Variants in ADGB observed in about 807,000 individuals in gnomAD.
ADGB encodes androglobin, also known as calpain-7-like protein.
A neutral mutation model predicts 210.5 loss-of-function variants in ADGB; 172 were observed. That is an observed-to-expected ratio of 0.82 (90% CI 0.72 to 0.93). ADGB has a LOEUF of 0.93. ADGB is among the 40% of genes least tolerant of loss of function. ADGB has a pLI of 0.00. For synonymous variants in ADGB, 658 were observed against 662.7 expected, an observed-to-expected ratio of 0.99 and a Z score of 0.11; for missense variants, 2,025 against 1,964.8, an observed-to-expected ratio of 1.03 and a Z score of -0.58.
chr6:146,777,822 G>C (rs1290826408), intron 29 of ADGB, among the ~76,000 whole-genome samples: 1 of 152,134 alleles, frequency 6.6e-6, no homozygotes, highest in Non-Finnish European at 1.5e-5. Flanking sequence ...CAGGCCACTT[G>C]TGTCAGAATC....
chr6:146,657,046 A>G (rs777924604), intron 5 of ADGB, 66 bp downstream of exon 5: 1 of 1,367,434 alleles, frequency 7.3e-7, no homozygotes. Flanking sequence ...TTGTCCTGGC[A>G]TGGTGGCTCA....
chr6:146,698,456 C>T (rs1177123050), intron 12 of ADGB, among the ~76,000 whole-genome samples: 1 of 152,136 alleles, frequency 6.6e-6, no homozygotes, highest in Non-Finnish European at 1.5e-5. Flanking sequence ...ACATCACAGG[C>T]AGTTAATTTA....
Position 146,815,032 on chromosome 6 carries a change from G to A in ADGB, c.4819G>A (p.Asp1607Asn), listed in dbSNP as rs536796694. Reference protein sequence around the residue: ...EVLDMYKEMQDSLDEARQKIF... With the variant: ...EVLDMYKEMQNSLDEARQKIF... ...TGTTTGGGGTTTTGCTTTGGAACAGGACTCCTTAGATGAAGCCCGACAGAA... is the reference window on the plus strand; with the variant it reads ...TGTTTGGGGTTTTGCTTTGGAACAGAACTCCTTAGATGAAGCCCGACAGAA... Residue 1607 changes from aspartate to asparagine, a missense_variant and splice_region_variant, in exon 36 of 36, where the codon GAC (aspartate) becomes AAC (asparagine). Physicochemically the swap from Asp to Asn is conservative, Grantham distance 23. Transcript: ENST00000397944. The A allele has an allele frequency of 2.0e-6, 3 of 1,537,444 alleles. No homozygotes were observed. The South Asian group carries it at 3.7e-5, about 19-fold the overall frequency.
intron 13 of ADGB, among the ~76,000 whole-genome samples, chr6:146,704,692 G>A (rs1327416387): frequency 6.6e-6 from 1 of 152,012 alleles, no homozygotes; most frequent in Non-Finnish European, 1.5e-5. Context: ...TAGCTTTGTA[G>A]TGTATTTTGA....
intron 1 of ADGB, among the ~76,000 whole-genome samples, chr6:146,614,207 C>CCCTTCCTTCCTT (rs1177746918): frequency 4.5e-5 from 6 of 132,634 alleles, no homozygotes; most frequent in Admixed American, 4.5e-4. Flanking sequence ...CTCCCTTCCT[C>CCCTTCCTTCCTT]CCTTCCTTCC....
rs529373077 is a variant in ADGB at position 146,637,310 on chromosome 6, T to A, written c.237+1773T>A. Among the ~76,000 whole-genome samples the A allele has an allele frequency of 5.3e-5, 8 of 152,116 alleles. No homozygotes were observed. The East Asian group carries it at 1.4e-3, about 26-fold the overall frequency. On this transcript the variant is annotated intron_variant, in intron 2 of 35. Transcript: ENST00000397944. ...AGCTGGAGAGACAGAGGATATTGCC[T>A]AGGGCTGCTAAAGCAGTCAAAACTT...
At chr6:146,663,191 T>A (rs919207014) in intron 5 of ADGB, among the ~76,000 whole-genome samples, 1 of 143,280 alleles carries the variant, frequency 7.0e-6, no homozygotes, top group Non-Finnish European at 1.5e-5. Context: ...TTATATATAA[T>A]AATATTAAGG....
At chr6:146,609,431 G>A (rs941807792) in intron 1 of ADGB, among the ~76,000 whole-genome samples, 2 of 152,168 alleles carry the variant, frequency 1.3e-5, no homozygotes, top group Admixed American at 6.5e-5. Context: ...TGGTTGTTAC[G>A]TAGACTTGTC....
chr6:146,660,546 C>T (rs1034418221), intron 5 of ADGB, among the ~76,000 whole-genome samples: 2 of 152,024 alleles, frequency 1.3e-5, no homozygotes, highest in Non-Finnish European at 2.9e-5. Flanking sequence ...CTATTCTTTT[C>T]CCTACACACA....
rs545186558 is a variant in ADGB at position 146,710,695 on chromosome 6, TA to T, written c.1708-4677del. Among the ~76,000 whole-genome samples the T allele has an allele frequency of 6.3e-4, 95 of 151,118 alleles. No individual in the cohort carries two copies. In the East Asian group the frequency reaches 9.5e-3, roughly 15 times the overall value. ...TATCTGTCAACATTTTTTGAAATTT[TA>T]AAAAAAAAATTTAAATTATTGATTG... On this transcript the variant is annotated intron_variant, in intron 13 of 35. Transcript: ENST00000397944.
intron 2 of ADGB, among the ~76,000 whole-genome samples, chr6:146,643,117 G>T (rs995752870): frequency 6.6e-6 from 1 of 151,852 alleles, no homozygotes; most frequent in Non-Finnish European, 1.5e-5. Context: ...TGTAGCAACA[G>T]CTCCTGGAAA....
At chr6:146,686,623 G>T (rs1235885626) in intron 10 of ADGB, among the ~76,000 whole-genome samples, 1 of 151,946 alleles carries the variant, frequency 6.6e-6, no homozygotes, top group Non-Finnish European at 1.5e-5. Flanking sequence ...GCTATCTATT[G>T]TTCTTGGACA....
chr6:146,716,023 G>A (rs1221645396), intron 14 of ADGB, among the ~76,000 whole-genome samples: 5 of 146,582 alleles, frequency 3.4e-5, no homozygotes, highest in Admixed American at 1.4e-4. Context: ...AGCCAAGATC[G>A]TGCCACTGCA....
chr6:146,785,646 A>T lies in ADGB; in HGVS notation c.4249A>T (p.Ile1417Phe). ...TCGTTTGCATTACCTTAGCGGGTTC[A>T]TTAAGAAAACATCTGATGCTGAGAG... ...QARLHYLSGF[I>F]KKTSDAESPP... The change falls in exon 32 of 36, where the codon ATT becomes TTT. Residue 1417 changes from isoleucine (I) to phenylalanine (F), a missense_variant. Physicochemically the swap from Ile to Phe is conservative, Grantham distance 21. Transcript: ENST00000397944. 1 of 1,551,250 alleles carries T rather than the reference A, an allele frequency of 6.4e-7. No homozygotes were observed.
At chr6:146,776,542 A>G (rs1777724937) in intron 29 of ADGB, among the ~76,000 whole-genome samples, 1 of 152,188 alleles carries the variant, frequency 6.6e-6, no homozygotes, top group Non-Finnish European at 1.5e-5. Flanking sequence ...TGTAAAGAAG[A>G]AGGATGGCAC....
chr6:146,605,446 G>A (rs1347969230), intron 1 of ADGB, among the ~76,000 whole-genome samples: 1 of 152,150 alleles, frequency 6.6e-6, no homozygotes, highest in Non-Finnish European at 1.5e-5. Flanking sequence ...TAAAGAATGT[G>A]TAAATAAGAT....
At chr6:146,803,199 C>T in intron 35 of ADGB, 1 of 1,515,986 alleles carries the variant, frequency 6.6e-7, no homozygotes, top group East Asian at 2.3e-5. Context: ...TCTCCAGAAA[C>T]TTAAAGCTAC....
Position 146,700,933 on chromosome 6 carries a change from C to A in ADGB, c.1578-8C>A, listed in dbSNP as rs1184905243. ...TAACAGAAGTTTGGGGTTTTGTTTT[C>A]CTTTTAGGCATTTTGTGCGCTCCTT... On this transcript the variant is annotated splice_region_variant and splice_polypyrimidine_tract_variant and intron_variant, in intron 12 of 35. Transcript: ENST00000397944. 1 of 1,543,874 alleles carries A rather than the reference C, an allele frequency of 6.5e-7. No homozygotes were observed. The highest frequency in any genetic ancestry group is 8.7e-7 in the Non-Finnish European group (1 of 1,144,376).
At chr6:146,809,422 T>C (rs1000264558) in intron 35 of ADGB, among the ~76,000 whole-genome samples, 1 of 152,128 alleles carries the variant, frequency 6.6e-6, no homozygotes, top group Non-Finnish European at 1.5e-5. Context: ...ACCAGGCTGG[T>C]CTTGAACTCT....
Sources: allele counts gnomAD v4.1 joint callset (sites outside exome capture counted in the v4.1 genomes callset), GRCh38; gene constraint gnomAD v4.1.1; transcripts MANE v1.5; gene names NCBI Gene and HGNC (gene_info 2026-07-23, HGNC 2026-07-21).